The following KIF26B variants were observed in gnomAD, a reference collection of about 807,000 sequenced individuals.
KIF26B encodes kinesin-like protein KIF26B.
Under a neutral mutation model 151.2 loss-of-function variants are expected in KIF26B, and 63 were observed. The ratio of observed to expected loss-of-function variants is 0.42; its 90% CI spans 0.34 to 0.51. KIF26B has a LOEUF of 0.51. KIF26B is among the 20% of genes least tolerant of loss of function. The pLI, the probability that KIF26B is intolerant of heterozygous loss-of-function variation, is 0.07. For synonymous variants in KIF26B, 1,357 were observed against 1,262.1 expected (o/e 1.08, Z -1.59); for missense variants, 2,813 against 2,913.6 (o/e 0.97, Z 0.79).
intron 2 of KIF26B, among the ~76,000 whole-genome samples, chr1:245,310,074 TA>T (rs1477776102): frequency 6.8e-6 from 1 of 146,844 alleles, no homozygotes. Context: ...TTATATATAA[TA>T]TTTATTTTAT....
intron 2 of KIF26B, among the ~76,000 whole-genome samples, chr1:245,365,329 C>T (rs1430147441): frequency 6.6e-6 from 1 of 152,200 alleles, no homozygotes; most frequent in East Asian, 1.9e-4. Flanking sequence ...TCCTGAGCCA[C>T]CCCTTGCTGC....
intron 6 of KIF26B, among the ~76,000 whole-genome samples, chr1:245,603,645 G>A (rs1021699420): frequency 2.0e-5 from 3 of 152,132 alleles, no homozygotes; most frequent in African/African-American, 4.8e-5. Context: ...ATTGTCGGTC[G>A]TCATCCAGCA....
intron 4 of KIF26B, among the ~76,000 whole-genome samples, chr1:245,443,633 G>A (rs1189760791): frequency 1.0e-5 from 1 of 99,188 alleles, no homozygotes; most frequent in African/African-American, 3.3e-5. Context: ...TGTTCACCTA[G>A]AGCGGTCATC....
At chr1:245,669,554 C>T (rs2044258069) in intron 10 of KIF26B, among the ~76,000 whole-genome samples, 1 of 152,178 alleles carries the variant, frequency 6.6e-6, no homozygotes, top group African/African-American at 2.4e-5. Flanking sequence ...GATATATGCA[C>T]AGCCAAGGAG....
At chr1:245,542,942 C>A (rs1661658768) in intron 5 of KIF26B, among the ~76,000 whole-genome samples, 1 of 152,108 alleles carries the variant, frequency 6.6e-6, no homozygotes, top group Non-Finnish European at 1.5e-5. Context: ...TAAGTGTGAG[C>A]AAATGTTTAA....
intron 2 of KIF26B, among the ~76,000 whole-genome samples, chr1:245,283,259 G>T (rs182350308): frequency 3.3e-5 from 5 of 149,864 alleles, no homozygotes; most frequent in African/African-American, 1.2e-4. Context: ...CCCACCCACC[G>T]CGAGCCCAAT....
At chr1:245,380,267 A>C (rs1344692486) in intron 3 of KIF26B, among the ~76,000 whole-genome samples, 1 of 152,198 alleles carries the variant, frequency 6.6e-6, no homozygotes, top group East Asian at 1.9e-4. Context: ...TCCATTGCTC[A>C]TCTGAGAGCC....
intron 6 of KIF26B, among the ~76,000 whole-genome samples, chr1:245,603,949 A>G (rs2043423723): frequency 6.6e-6 from 1 of 152,174 alleles, no homozygotes; most frequent in South Asian, 2.1e-4. Context: ...TGGGCAGCCA[A>G]TGAACTGCAG....
chr1:245,419,712 C>T lies in KIF26B; in HGVS notation c.1133C>T (p.Thr378Ile), dbSNP rs773330540. 1.2e-6 allele frequency: 2 copies of T among 1,613,282 alleles called. No homozygotes were observed. The highest frequency in any genetic ancestry group is 2.7e-5 in the African/African-American group (2 of 75,032). The change falls in exon 4 of 15, where the codon ACA becomes ATA. Residue 378 changes from threonine to isoleucine, a missense_variant. By Grantham distance (89) the Thr-to-Ile change is moderately conservative (BLOSUM62 -1). Around this residue, in one of 3 missense-constraint regions of KIF26B, gnomAD observed 676 missense variants for 688.1 expected, o/e 0.98. Transcript: ENST00000407071. ...TCCTGCGTGGCCAGCGAGACTTCCA[C>T]AGGCACATCGGTGGCCGCCTCCTTC... ...QGSCVASETS[T>I]GTSVAASFFA...
At chr1:245,292,958 T>G (rs970305267) in intron 2 of KIF26B, among the ~76,000 whole-genome samples, 2 of 152,210 alleles carry the variant, frequency 1.3e-5, no homozygotes, top group Non-Finnish European at 2.9e-5. Flanking sequence ...CAGAGTTTTC[T>G]TCAAAGCCCA....
rs186168964 is a variant in KIF26B, at chr1:245,205,688, C to T, written c.465+49005C>T. ...CAGAACAGAACAGTTTCCTGAGGAA[C>T]GTTTTCTTTTTCTTTCTTTTCTTTT... On this transcript the variant is annotated intron_variant, in intron 2 of 14. Transcript: ENST00000407071. 2.2e-3 allele frequency among the ~76,000 whole-genome samples: 333 copies of T among 148,360 alleles called. 2 individuals are homozygous for T. The highest frequency in any genetic ancestry group is 3.6e-3 in the Non-Finnish European group (241 of 67,484).
rs996367174 is a variant in KIF26B, at chr1:245,578,730, T to C, written c.1351-23847T>C. Among the ~76,000 whole-genome samples the C allele has an allele frequency of 5.9e-5, 9 of 152,224 alleles. No homozygotes were observed. In the South Asian group the frequency reaches 1.7e-3, roughly 28 times the overall value. On this transcript the variant is annotated intron_variant, in intron 5 of 14. Coordinates refer to ENST00000407071, the MANE Select transcript of KIF26B (RefSeq NM_018012.4). ...GCTGTGGATGGAGCCGATTTTAACA[T>C]TTGTTTTTTGAGCTCCATCTATAGC...
chr1:245,235,615 C>T (rs1272222490), intron 2 of KIF26B, among the ~76,000 whole-genome samples: 5 of 148,524 alleles, frequency 3.4e-5, no homozygotes, highest in South Asian at 4.3e-4. Flanking sequence ...AAGGGAGAGA[C>T]GGAGGGAGAG....
chr1:245,207,754 T>C (rs1261407359), intron 2 of KIF26B, among the ~76,000 whole-genome samples: 1 of 152,140 alleles, frequency 6.6e-6, no homozygotes, highest in Non-Finnish European at 1.5e-5. Context: ...CACCACCCAC[T>C]TCCCACAGCT....
intron 10 of KIF26B, among the ~76,000 whole-genome samples, chr1:245,652,804 G>A (rs548444683): frequency 5.3e-5 from 8 of 152,250 alleles, no homozygotes; most frequent in Non-Finnish European, 1.0e-4. Context: ...CAGAATATCA[G>A]GCCCCAGCTC....
chr1:245,684,429 GA>G, intron 11 of KIF26B, 34 bp downstream of exon 11: 1 of 1,547,160 alleles, frequency 6.5e-7, no homozygotes, highest in Non-Finnish European at 8.8e-7. Context: ...GGTGGTGGAT[GA>G]GGGAGCCTTT....
chr1:245,374,425 C>T (rs923802818), intron 3 of KIF26B, among the ~76,000 whole-genome samples: 5 of 151,794 alleles, frequency 3.3e-5, no homozygotes, highest in Admixed American at 3.3e-4. Flanking sequence ...GTGCTCTTCC[C>T]GGCCGAACCA....
Position 245,570,680 on chromosome 1 carries a change from A to G in KIF26B, c.1350+29730A>G, listed in dbSNP as rs545891046. 2.0e-5 allele frequency among the ~76,000 whole-genome samples: 3 copies of G among 152,206 alleles called. No individual in the cohort carries two copies. The East Asian group carries it at 5.8e-4, about 29-fold the overall frequency. On this transcript the variant is annotated intron_variant, in intron 5 of 14. Transcript: ENST00000407071. ...TGTCCCTTACACCTTATTCTAATTC[A>G]CACCAGCTCTTGGTGTTTGCTCTTC...
chr1:245,688,104 G>A lies in KIF26B; in HGVS notation c.5121G>A (p.Gly1707=), dbSNP rs2044561044. ...AGKDGTMPRA[G]RSLGRSAGTS... ...AGGACGGCACCATGCCCCGCGCGGG[G>A]AGGAGCCTGGGCCGCAGCGCCGGGA... Residue 1707 remains glycine (G), a synonymous_variant, in exon 12 of 15, where the codon GGG becomes GGA. Coordinates refer to ENST00000407071, the MANE Select transcript of KIF26B (RefSeq NM_018012.4). The A allele has an allele frequency of 6.4e-6, 10 of 1,556,246 alleles. No homozygotes were observed. The highest frequency in any genetic ancestry group is 1.4e-5 in the African/African-American group (1 of 73,456).
Sources: gnomAD v4.1 joint callset for allele counts (sites outside exome capture counted in the v4.1 genomes callset) on GRCh38, gnomAD v4.1.1 for gene constraint, gnomAD v4.1.1 regional missense constraint, MANE v1.5 for transcripts, NCBI Gene and HGNC (gene_info 2026-07-23, HGNC 2026-07-21) for gene names.